Variants in SNX25 observed in about 807,000 individuals in gnomAD.
SNX25 encodes sorting nexin-25.
A neutral mutation model predicts 113.7 loss-of-function variants in SNX25; 62 were observed. The ratio of observed to expected loss-of-function variants is 0.55; its 90% CI spans 0.44 to 0.67. SNX25 has a LOEUF of 0.67. SNX25 is among the 30% of genes least tolerant of loss of function. SNX25 has a pLI of 0.00. For missense variants in SNX25, 1,014 were observed against 1,161.0 expected, an observed-to-expected ratio of 0.87 and a Z score of 1.84; for synonymous variants, 421 against 436.2, an observed-to-expected ratio of 0.97 and a Z score of 0.43.
chr4:185,264,659 TG>T (rs1747801334), intron 4 of SNX25, 49 bp downstream of exon 4: 10 of 1,568,796 alleles, frequency 6.4e-6, no homozygotes, highest in African/African-American at 2.7e-5. Context: ...TGCAAACTAA[TG>T]TGCTACATGC....
intron 8 of SNX25, 127 bp from the exon 9 acceptor site, chr4:185,323,401 A>C: frequency 1.2e-6 from 1 of 853,090 alleles, no homozygotes; most frequent in Non-Finnish European, 1.8e-6. Flanking sequence ...TATGGACACA[A>C]AATTCTACAT....
At chr4:185,345,244 G>T (rs1329459535) in intron 12 of SNX25, among the ~76,000 whole-genome samples, 1 of 152,136 alleles carries the variant, frequency 6.6e-6, no homozygotes, top group Non-Finnish European at 1.5e-5. Flanking sequence ...TTTTCCTGTT[G>T]TGAGAACCCT....
chr4:185,316,811 G>A (rs1056989749), intron 7 of SNX25, among the ~76,000 whole-genome samples: 4 of 152,082 alleles, frequency 2.6e-5, no homozygotes, highest in Non-Finnish European at 5.9e-5. Flanking sequence ...AATTGATATG[G>A]GTTCCTTTAA....
chr4:185,225,580 A>G lies in SNX25; in HGVS notation c.429+15325A>G, dbSNP rs183327546. Reference sequence around the variant, plus strand: ...AGTTTGATTGATTTCACTGTAATCTATGGCTATGAATACAGTGGACAAATA... The same window carrying G: ...AGTTTGATTGATTTCACTGTAATCTGTGGCTATGAATACAGTGGACAAATA... On this transcript the variant is annotated intron_variant, in intron 1 of 18. Coordinates refer to ENST00000652585, the MANE Select transcript of SNX25 (RefSeq NM_001378034.2). 1.0e-3 allele frequency among the ~76,000 whole-genome samples: 153 copies of G among 152,320 alleles called. 1 individual carries two copies. Among genetic ancestry groups the G allele is most frequent in the African/African-American group, 3.5e-3 (145 of 41,560 alleles).
At chr4:185,373,223 T>A (rs1025236337), downstream of SNX25, 7 of 728,296 alleles carry the variant, frequency 9.6e-6, no homozygotes, top group Admixed American at 2.7e-5. Context: ...TGGACGCATT[T>A]CACACTAGCA....
intron 13 of SNX25, among the ~76,000 whole-genome samples, chr4:185,349,078 G>A (rs972648480): frequency 4.6e-5 from 7 of 152,034 alleles, no homozygotes; most frequent in East Asian, 3.9e-4. Flanking sequence ...CATGTATATC[G>A]GGGGGTTCGA....
At chr4:185,250,922 A>G (rs1745537431) in intron 2 of SNX25, among the ~76,000 whole-genome samples, 1 of 152,128 alleles carries the variant, frequency 6.6e-6, no homozygotes, top group African/African-American at 2.4e-5. Flanking sequence ...AAAAATTTTA[A>G]TTGTGTTAAA....
chr4:185,247,458 A>G (rs923937819), intron 2 of SNX25, 80 bp downstream of exon 2: 8 of 1,088,794 alleles, frequency 7.3e-6, no homozygotes, highest in Non-Finnish European at 1.1e-5. Context: ...ATCTCCAGCA[A>G]ATTTATTCTT....
intron 1 of SNX25, among the ~76,000 whole-genome samples, chr4:185,245,982 A>C (rs1260016641): frequency 1.3e-5 from 2 of 152,102 alleles, no homozygotes; most frequent in Admixed American, 6.6e-5. Context: ...TAGGAGTGGC[A>C]TTGCAGAATA....
At chr4:185,330,717 C>T (rs1189694010) in intron 9 of SNX25, among the ~76,000 whole-genome samples, 1 of 152,076 alleles carries the variant, frequency 6.6e-6, no homozygotes, top group Non-Finnish European at 1.5e-5. Flanking sequence ...GACTCAAGTG[C>T]TTGCTCTTGA....
chr4:185,293,344 A>T (rs1187354553), intron 6 of SNX25, among the ~76,000 whole-genome samples: 2 of 152,268 alleles, frequency 1.3e-5, no homozygotes, highest in African/African-American at 4.8e-5. Context: ...TTATAGTAGC[A>T]TAATTTATAA....
chr4:185,267,898 G>A (rs1160463069), intron 5 of SNX25, among the ~76,000 whole-genome samples: 1 of 152,110 alleles, frequency 6.6e-6, no homozygotes, highest in East Asian at 1.9e-4. Flanking sequence ...AAAATATTAT[G>A]AAAACCAGAA....
intron 1 of SNX25, among the ~76,000 whole-genome samples, chr4:185,236,684 T>G (rs73873407): frequency 6.6e-6 from 1 of 152,150 alleles, no homozygotes; most frequent in Non-Finnish European, 1.5e-5. Flanking sequence ...CAAAGTTGTA[T>G]GTATACCATG....
chr4:185,205,183 C>A (rs573765477), upstream of SNX25, among the ~76,000 whole-genome samples: 1 of 152,368 alleles, frequency 6.6e-6, no homozygotes, highest in South Asian at 2.1e-4. Context: ...TGGCTGGGCG[C>A]AGTGGCTCAC....
At chr4:185,248,377 G>T (rs1745151209) in intron 2 of SNX25, among the ~76,000 whole-genome samples, 1 of 152,140 alleles carries the variant, frequency 6.6e-6, no homozygotes, top group South Asian at 2.1e-4. Flanking sequence ...TACAGGATTG[G>T]CTGGATGTGG....
intron 1 of SNX25, among the ~76,000 whole-genome samples, chr4:185,229,240 C>G (rs1268587766): frequency 6.6e-6 from 1 of 152,120 alleles, no homozygotes; most frequent in Non-Finnish European, 1.5e-5. Context: ...CCTCATCAAG[C>G]CAAGGGAGGA....
downstream of SNX25, chr4:185,364,996 GAGA>G (rs939751246): frequency 2.0e-5 from 3 of 146,942 alleles, no homozygotes; most frequent in Non-Finnish European, 3.0e-5. Context: ...AGGAATCTTA[GAGA>G]AGGAGTGTGT....
chr4:185,264,598 C>T lies in SNX25; in HGVS notation c.892C>T (p.Leu298Phe), dbSNP rs752153724. ...LSLRIMLAEI[L>F]TTKVLKPVVE... ...CTTACGTATAATGCTTGCAGAAATTCTCACAACAAAAGGTAGACTTATACA... is the reference window on the plus strand; with the variant it reads ...CTTACGTATAATGCTTGCAGAAATTTTCACAACAAAAGGTAGACTTATACA... The change falls in exon 4 of 19, where the codon CTC becomes TTC. Residue 298 changes from leucine (L) to phenylalanine (F), a missense_variant. Physicochemically the swap from Leu to Phe is conservative, Grantham distance 22. Transcript: ENST00000652585. The T allele has an allele frequency of 6.2e-7, 1 of 1,613,930 alleles. No homozygotes were observed. Among genetic ancestry groups the T allele is most frequent in the South Asian group, 1.1e-5 (1 of 91,074 alleles).
chr4:185,208,737 A>G (rs937848661), upstream of SNX25, among the ~76,000 whole-genome samples: 5 of 152,066 alleles, frequency 3.3e-5, no homozygotes, highest in African/African-American at 7.2e-5. Flanking sequence ...AAAAAAGAAA[A>G]AAAGAAAGAA....
Sources: allele counts gnomAD v4.1 joint callset (sites outside exome capture counted in the v4.1 genomes callset), GRCh38; gene constraint gnomAD v4.1.1; transcripts MANE v1.5; gene names NCBI Gene and HGNC (gene_info 2026-07-23, HGNC 2026-07-21).